SPRY3: variants seen among roughly 807,000 people sequenced by gnomAD.
SPRY3 encodes the protein protein sprouty homolog 3.
A neutral mutation model predicts 20.2 loss-of-function variants in SPRY3; 15 were observed. That is an observed-to-expected ratio of 0.74 (90% CI 0.50 to 1.14). The LOEUF (loss-of-function observed/expected upper bound fraction) is 1.14. SPRY3 is among the 50% of genes most tolerant of loss of function. The pLI is 0.00. For synonymous variants in SPRY3, 143 were observed against 136.5 expected (o/e 1.05, Z -0.33); for missense variants, 364 against 363.9 (o/e 1.00, Z 0.00).
intron 2 of SPRY3, among the ~76,000 whole-genome samples, chrX:155,750,998 A>T (rs935115590): frequency 2.6e-5 from 4 of 151,930 alleles, no homozygotes; most frequent in Non-Finnish European, 4.4e-5. Flanking sequence ...ATGATGAACC[A>T]TGAAATCTAA....
intron 2 of SPRY3, among the ~76,000 whole-genome samples, chrX:155,687,268 A>T (rs1480542692): frequency 2.7e-5 from 3 of 112,641 alleles, no homozygotes; most frequent in Non-Finnish European, 3.8e-5. Flanking sequence ...TTATAAATTG[A>T]TCAGGCAATG....
intron 3 of SPRY3, among the ~76,000 whole-genome samples, chrX:155,769,545 A>G (rs2091368290): frequency 6.6e-6 from 1 of 152,152 alleles, no homozygotes; most frequent in Non-Finnish European, 1.5e-5. Flanking sequence ...GAGTTTTTAA[A>G]AAAAAAATCC....
At chrX:155,695,287 A>C in intron 2 of SPRY3, among the ~76,000 whole-genome samples, 1 of 111,656 alleles carries the variant, frequency 9.0e-6, no homozygotes, top group Non-Finnish European at 1.9e-5. Context: ...CACATATTAA[A>C]GAATCATTTC....
At chrX:155,781,878 T>A (rs970040802) in exon 2 of SPRY3, 1 of 166,544 alleles carries the variant, frequency 6.0e-6, no homozygotes, top group African/African-American at 2.4e-5. Flanking sequence ...TATGTGCCTT[T>A]AATCTGAGGT....
chrX:155,773,697 T>C lies in SPRY3; in HGVS notation c.-106-69T>C, dbSNP rs542147560. 9.5e-5 allele frequency: 66 copies of C among 691,482 alleles called. No homozygotes were observed. In the East Asian group the frequency reaches 1.0e-3, roughly 11 times the overall value. 42.8% of individuals were successfully genotyped at this position (691,482 alleles called of 1,614,324 possible). Reference sequence around the variant, plus strand: ...TAGTGGTGGTGATAGGGCCTGAGCTTTGTTGGTTTCTTGCAAAGTACTTAT... The same window carrying C: ...TAGTGGTGGTGATAGGGCCTGAGCTCTGTTGGTTTCTTGCAAAGTACTTAT... On this transcript the variant is annotated intron_variant, in intron 3 of 3. Coordinates refer to ENST00000675360, the Ensembl canonical transcript of SPRY3.
intron 2 of SPRY3, among the ~76,000 whole-genome samples, chrX:155,756,890 G>T (rs965463978): frequency 2.0e-5 from 3 of 152,004 alleles, no homozygotes; most frequent in African/African-American, 7.2e-5. Flanking sequence ...TATTTTGATG[G>T]AACAAAATAT....
chrX:155,718,297 A>G lies in SPRY3; in HGVS notation c.-281-49665A>G, dbSNP rs755757535. ...ATAAATGTGTAAGAATATCCAAGAA[A>G]AATCTTGACAAAAAAAGATTGTGTT... On this transcript the variant is annotated intron_variant, in intron 2 of 3. Coordinates refer to ENST00000675360, the Ensembl canonical transcript of SPRY3. Among the ~76,000 whole-genome samples the G allele has an allele frequency of 7.9e-5, 12 of 152,248 alleles. No homozygotes were observed. In the South Asian group the frequency reaches 2.5e-3, roughly 32 times the overall value.
intron 2 of SPRY3, among the ~76,000 whole-genome samples, chrX:155,729,376 A>G (rs1285682869): frequency 3.9e-5 from 6 of 152,194 alleles, no homozygotes; most frequent in African/African-American, 4.8e-5. Flanking sequence ...TCTGACCACA[A>G]TGGAATAAAA....
At chrX:155,667,256 A>G (rs2068027383) in intron 2 of SPRY3, among the ~76,000 whole-genome samples, 1 of 110,966 alleles carries the variant, frequency 9.0e-6, no homozygotes, top group African/African-American at 3.3e-5. Flanking sequence ...TGAGAAGTCA[A>G]GGGGGCATTT....
At chrX:155,753,074 AT>A (rs896142071) in intron 2 of SPRY3, among the ~76,000 whole-genome samples, 8 of 151,924 alleles carry the variant, frequency 5.3e-5, no homozygotes, top group African/African-American at 1.9e-4. Flanking sequence ...TCCCAAATGT[AT>A]TCTTTAAAAA....
exon 2 of SPRY3, chrX:155,782,341 A>G (rs1236136956): frequency 1.8e-5 from 3 of 166,932 alleles, no homozygotes; most frequent in Admixed American, 1.3e-4. Flanking sequence ...TCCATATCCA[A>G]TCCCATCGTA....
intron 1 of SPRY3, among the ~76,000 whole-genome samples, chrX:155,642,061 G>A (rs1326777998): frequency 8.9e-6 from 1 of 111,817 alleles, no homozygotes; most frequent in Non-Finnish European, 1.9e-5. Context: ...CTAGACCCAG[G>A]AAGCCCAGCT....
intron 2 of SPRY3, among the ~76,000 whole-genome samples, chrX:155,681,947 A>T (rs951573279): frequency 2.7e-5 from 3 of 112,843 alleles, no homozygotes; most frequent in African/African-American, 6.4e-5. Context: ...TATCCAGAAG[A>T]TCTAGCTCAG....
At chrX:155,687,532 A>G (rs2068090955) in intron 2 of SPRY3, among the ~76,000 whole-genome samples, 1 of 112,528 alleles carries the variant, frequency 8.9e-6, no homozygotes, top group Admixed American at 9.4e-5. Flanking sequence ...GACTGAATCC[A>G]GGAACTCAAA....
chrX:155,725,483 G>T (rs1249115088), intron 2 of SPRY3, among the ~76,000 whole-genome samples: 1 of 151,908 alleles, frequency 6.6e-6, no homozygotes, highest in East Asian at 1.9e-4. Flanking sequence ...ATTAATTATT[G>T]CTTCAATTTC....
At chrX:155,707,757 T>C (rs748303185) in intron 2 of SPRY3, among the ~76,000 whole-genome samples, 17 of 151,352 alleles carry the variant, frequency 1.1e-4, no homozygotes, top group African/African-American at 4.1e-4. Context: ...GTTTATAACA[T>C]GCATGGTATG....
At chrX:155,717,193 G>A (rs1412386178) in intron 2 of SPRY3, among the ~76,000 whole-genome samples, 5 of 146,974 alleles carry the variant, frequency 3.4e-5, no homozygotes, top group Non-Finnish European at 7.5e-5. Flanking sequence ...TTATTTTTTT[G>A]CTGGGCCTTC....
At chrX:155,657,780 A>T (rs964393971) in intron 2 of SPRY3, among the ~76,000 whole-genome samples, 5 of 112,074 alleles carry the variant, frequency 4.5e-5, no homozygotes, top group Non-Finnish European at 9.4e-5. Flanking sequence ...TGGTCTGCAG[A>T]TTGCAAAAAC....
chrX:155,705,065 G>C (rs2090940713), intron 2 of SPRY3, among the ~76,000 whole-genome samples: 1 of 151,450 alleles, frequency 6.6e-6, no homozygotes, highest in African/African-American at 2.4e-5. Flanking sequence ...GACTACACAA[G>C]GAAATAAAGA....
Sources: allele counts gnomAD v4.1 joint callset (sites outside exome capture counted in the v4.1 genomes callset), GRCh38; gene constraint gnomAD v4.1.1; transcripts MANE v1.5; gene names NCBI Gene and HGNC (gene_info 2026-07-23, HGNC 2026-07-21).